The following LRMDA variants were observed in gnomAD, a reference collection of about 807,000 sequenced individuals.
LRMDA encodes leucine rich melanocyte differentiation associated, also known as leucine-rich melanocyte differentiation-associated protein.
Under a neutral mutation model 29.8 loss-of-function variants are expected in LRMDA, and 18 were observed. That is an observed-to-expected ratio of 0.60 (90% confidence interval 0.42 to 0.90). The LOEUF (loss-of-function observed/expected upper bound fraction) is 0.90. Ranked by LOEUF, LRMDA falls within the 40% of genes least tolerant of loss-of-function variation. The probability of loss-of-function intolerance (pLI) is 0.00; values close to 1 mark genes in which losing one functional copy is unlikely to be tolerated. For missense variants in LRMDA, 273 were observed against 273.9 expected (o/e 1.00, Z 0.02); for synonymous variants, 125 against 109.4 (o/e 1.14, Z -0.89).
intron 2 of LRMDA, among the ~76,000 whole-genome samples, chr10:75,534,468 G>A (rs1839920302): frequency 6.6e-6 from 1 of 152,120 alleles, no homozygotes; most frequent in South Asian, 2.1e-4. Flanking sequence ...CGGCAATATT[G>A]TGGGTGCATA....
At chr10:75,642,352 T>C (rs1041850863) in intron 2 of LRMDA, 2 of 152,182 alleles carry the variant, frequency 1.3e-5, no homozygotes, top group African/African-American at 4.8e-5. Flanking sequence ...ACTGGGGGAT[T>C]GTTGATACTC....
intron 5 of LRMDA, among the ~76,000 whole-genome samples, chr10:76,246,629 G>A: frequency 6.6e-6 from 1 of 152,214 alleles, no homozygotes; most frequent in Admixed American, 6.5e-5. Flanking sequence ...CTTTCTTGAA[G>A]CACAGATAGG....
intron 5 of LRMDA, among the ~76,000 whole-genome samples, chr10:76,132,798 A>G (rs966304645): frequency 1.3e-5 from 2 of 150,584 alleles, no homozygotes; most frequent in African/African-American, 5.0e-5. Context: ...CCAGCTGACA[A>G]GCACCTTCTT....
chr10:76,073,884 G>GTTCC (rs1281067380), intron 5 of LRMDA, among the ~76,000 whole-genome samples: 1 of 152,198 alleles, frequency 6.6e-6, no homozygotes, highest in Non-Finnish European at 1.5e-5. Context: ...CTAAGTTGTA[G>GTTCC]TCCTAGGGAA....
chr10:76,526,236 T>A (rs1250527422), intron 6 of LRMDA, among the ~76,000 whole-genome samples: 1 of 152,204 alleles, frequency 6.6e-6, no homozygotes. Flanking sequence ...CATTAATTTC[T>A]TCACTCAGAA....
intron 2 of LRMDA, among the ~76,000 whole-genome samples, chr10:75,841,035 C>T (rs1844531567): frequency 1.3e-5 from 2 of 152,302 alleles, no homozygotes; most frequent in South Asian, 4.1e-4. Context: ...GGCTTTGTGA[C>T]AGTGCTCATA....
intron 6 of LRMDA, among the ~76,000 whole-genome samples, chr10:76,351,127 A>T (rs1232424670): frequency 6.6e-6 from 1 of 152,120 alleles, no homozygotes; most frequent in Non-Finnish European, 1.5e-5. Context: ...TGGCACCAGC[A>T]CTTATTGATG....
chr10:75,683,314 G>C (rs1335786201), intron 2 of LRMDA, among the ~76,000 whole-genome samples: 2 of 152,220 alleles, frequency 1.3e-5, no homozygotes, highest in Non-Finnish European at 2.9e-5. Flanking sequence ...GATCGTCTCA[G>C]CGTCAGTTAG....
chr10:75,486,586 A>G (rs1234675428), intron 2 of LRMDA, among the ~76,000 whole-genome samples: 2 of 152,154 alleles, frequency 1.3e-5, no homozygotes, highest in African/African-American at 4.8e-5. Flanking sequence ...GCAGGAGATG[A>G]GTCTTGAAGA....
intron 2 of LRMDA, among the ~76,000 whole-genome samples, chr10:75,856,832 G>C (rs1224829307): frequency 6.6e-6 from 1 of 152,090 alleles, no homozygotes; most frequent in Non-Finnish European, 1.5e-5. Flanking sequence ...TTCTGGCCAG[G>C]GCAATCAGGC....
At chr10:76,518,866 C>T (rs1374422912) in intron 6 of LRMDA, among the ~76,000 whole-genome samples, 5 of 152,134 alleles carry the variant, frequency 3.3e-5, no homozygotes, top group African/African-American at 1.2e-4. Flanking sequence ...AACACACATT[C>T]TTAAGCATAT....
intron 2 of LRMDA, among the ~76,000 whole-genome samples, chr10:75,964,421 A>G (rs535768759): frequency 6.6e-6 from 1 of 152,354 alleles, no homozygotes; most frequent in Admixed American, 6.5e-5. Context: ...AAAATCAGAC[A>G]TTAGATGAAT....
chr10:75,525,930 T>C (rs952211544), intron 2 of LRMDA, among the ~76,000 whole-genome samples: 1 of 151,658 alleles, frequency 6.6e-6, no homozygotes, highest in Admixed American at 6.6e-5. Context: ...TCTTTCATTA[T>C]ATTAAAAAAA....
chr10:75,746,546 C>T (rs922073704), intron 2 of LRMDA, among the ~76,000 whole-genome samples: 4 of 152,130 alleles, frequency 2.6e-5, no homozygotes, highest in African/African-American at 9.7e-5. Context: ...TTTGCAGAGG[C>T]TCTTACAAAT....
At chr10:75,984,090 G>A (rs2132452420) in intron 2 of LRMDA, among the ~76,000 whole-genome samples, 1 of 152,328 alleles carries the variant, frequency 6.6e-6, no homozygotes. Context: ...AAGGTCGTGT[G>A]AGAATGTCAG....
chr10:76,146,134 G>T (rs12412403), intron 5 of LRMDA, among the ~76,000 whole-genome samples: 1 of 151,974 alleles, frequency 6.6e-6, no homozygotes, highest in African/African-American at 2.4e-5. Context: ...TTTGGAGTAG[G>T]TGTGGTGTGG....
rs138048890 is a variant in LRMDA at position 76,403,245 on chromosome 10, T to C, written c.601+78760T>C. Reference sequence around the variant, plus strand: ...GTGCAGACGTGGAAATGTTGGCATGTGGATAGACCCTGTACCAAAAACCCA... The same window carrying C: ...GTGCAGACGTGGAAATGTTGGCATGCGGATAGACCCTGTACCAAAAACCCA... On this transcript the variant is annotated intron_variant, in intron 6 of 6. Coordinates refer to ENST00000611255, the MANE Select transcript of LRMDA (RefSeq NM_001305581.2). The C allele has an allele frequency of 3.1e-3, 473 of 151,944 alleles. 2 individuals carry two copies. Among genetic ancestry groups the C allele is most frequent in the African/African-American group, 0.011 (437 of 41,464 alleles). 9.4% of individuals were successfully genotyped at this position (151,944 alleles called of 1,614,324 possible). A position where few individuals can be genotyped will look rare whatever the true frequency, so the allele number is the denominator to read the frequency against.
intron 5 of LRMDA, among the ~76,000 whole-genome samples, chr10:76,158,914 G>A (rs1850592295): frequency 6.6e-6 from 1 of 152,056 alleles, no homozygotes; most frequent in South Asian, 2.1e-4. Context: ...CAAAATAAAT[G>A]TTCATTAATA....
At chr10:76,223,988 C>T (rs896819813) in intron 5 of LRMDA, among the ~76,000 whole-genome samples, 2 of 152,210 alleles carry the variant, frequency 1.3e-5, no homozygotes, top group South Asian at 2.1e-4. Flanking sequence ...ACCTGCCAAC[C>T]ATTCTGTTCT....
Sources: gnomAD v4.1 joint callset for allele counts (sites outside exome capture counted in the v4.1 genomes callset) on GRCh38, gnomAD v4.1.1 for gene constraint, MANE v1.5 for transcripts, NCBI Gene and HGNC (gene_info 2026-07-23, HGNC 2026-07-21) for gene names.